The following REN variants were observed in gnomAD, a reference collection of about 807,000 sequenced individuals.
REN encodes the protein renin.
Under a neutral mutation model 48.6 loss-of-function variants are expected in REN, and 42 were observed. The ratio of observed to expected loss-of-function variants is 0.86; its 90% CI spans 0.68 to 1.12. REN has a LOEUF of 1.12. Ranked by LOEUF, REN falls within the 50% of genes most tolerant of loss-of-function variation. REN has a pLI of 0.00. For missense variants in REN, 443 were observed against 527.3 expected (o/e 0.84, Z 1.57); for synonymous variants, 196 against 204.6 (o/e 0.96, Z 0.36).
At chr1:204,155,390 C>A (rs1329208441) in intron 9 of REN, among the ~76,000 whole-genome samples, 1 of 152,306 alleles carries the variant, frequency 6.6e-6, no homozygotes, top group East Asian at 1.9e-4. Context: ...CCCAGGCAAA[C>A]AATGCATCAG....
chr1:204,160,816 GTGC>G, intron 3 of REN, 138 bp from the exon 4 acceptor site: 1 of 769,872 alleles, frequency 1.3e-6, no homozygotes, highest in Non-Finnish European at 2.4e-6. Flanking sequence ...CTTGGAATAT[GTGC>G]TTCATCAATC....
At chr1:204,166,147 G>T in intron 1 of REN, 49 bp downstream of exon 1, 1 of 1,499,010 alleles carries the variant, frequency 6.7e-7, no homozygotes, top group South Asian at 1.1e-5. Context: ...TTGGGAAGGT[G>T]GGAACCCTGC....
rs1392033638 is a variant in REN, at chr1:204,166,276, C to A, written c.18G>T (p.Arg6Ser). 1.1e-5 allele frequency: 18 copies of A among 1,614,100 alleles called. No individual in the cohort carries two copies. Among genetic ancestry groups the A allele is most frequent in the Non-Finnish European group, 1.4e-5 (16 of 1,180,040 alleles). Residue 6 changes from arginine to serine, a missense_variant, in exon 1 of 10, where the codon AGG becomes AGT. Physicochemically the swap from Arg to Ser is moderately radical, Grantham distance 110. Coordinates refer to ENST00000272190, the MANE Select transcript of REN (RefSeq NM_000537.4). ...GCAGCAGCAGTCCCCAGCGAGGCATCCTTCTCCATCCATCCATGCTTCCCT... is the reference window on the plus strand; with the variant it reads ...GCAGCAGCAGTCCCCAGCGAGGCATACTTCTCCATCCATCCATGCTTCCCT... MDGWR[R>S]MPRWGLLLLL...
chr1:204,163,047 A>G (rs887369225), intron 1 of REN, among the ~76,000 whole-genome samples: 6 of 152,106 alleles, frequency 3.9e-5, no homozygotes, highest in Non-Finnish European at 8.8e-5. Context: ...GTCTGGCCCT[A>G]TTTCCCATAT....
chr1:204,155,390 CAA>C (rs1658130460), intron 9 of REN, among the ~76,000 whole-genome samples: 1 of 152,188 alleles, frequency 6.6e-6, no homozygotes, highest in Non-Finnish European at 1.5e-5. Context: ...CCCAGGCAAA[CAA>C]TGCATCAGGC....
rs776861775 is a variant in REN at position 204,159,436 on chromosome 1, C to T, written c.652G>A (p.Val218Met). Residue 218 changes from valine to methionine, a missense_variant, in exon 5 of 10, where the codon GTG (valine) becomes ATG (methionine). Transcript: ENST00000272190. ...PIFDNIISQG[V>M]LKEDVFSFYY... ...AAAGAGAAGACGTCCTCTTTTAGCA[C>T]CCCTTGGGAGATGATGTTGTCGAAG... 1.9e-6 allele frequency: 3 copies of T among 1,614,154 alleles called. No individual in the cohort carries two copies. The highest frequency in any genetic ancestry group is 2.5e-6 in the Non-Finnish European group (3 of 1,180,046).
rs932192855 is a variant in REN at position 204,161,910 on chromosome 1, G to A, written c.249+103C>T. Reference sequence around the variant, plus strand: ...TGCTCACGTGCTACTCAGCGCCTTCGTCAAACACAGCTTGGAAAGGGTGAG... The same window carrying A: ...TGCTCACGTGCTACTCAGCGCCTTCATCAAACACAGCTTGGAAAGGGTGAG... On this transcript the variant is annotated intron_variant, in intron 2 of 9. Coordinates refer to ENST00000272190, the MANE Select transcript of REN (RefSeq NM_000537.4). The A allele has an allele frequency of 1.6e-5, 24 of 1,485,418 alleles. No individual in the cohort carries two copies. The East Asian group carries it at 3.2e-4, about 20-fold the overall frequency. The allele number at this position is 1,485,418 out of a possible 1,614,324, so 92.0% of individuals were successfully genotyped here. A position where few individuals can be genotyped will look rare whatever the true frequency, so the allele number is the denominator to read the frequency against.
rs780294356 is a variant in REN, at chr1:204,155,916, A to G, written c.963T>C (p.Tyr321=). ...TAGGGCCCTCGTTACACTTCACGAC[A>G]TACTGGGGTGGGGGGCAAAGAGAGC... ...ALGAKKRLFD[Y]VVKCNEGPTL... Residue 321 remains tyrosine, a splice_region_variant and synonymous_variant, in exon 9 of 10, where the codon TAT becomes TAC. Coordinates refer to ENST00000272190, the MANE Select transcript of REN (RefSeq NM_000537.4). 3 of 1,612,856 alleles carry G rather than the reference A, an allele frequency of 1.9e-6. No homozygotes were observed. Among genetic ancestry groups the G allele is most frequent in the South Asian group, 2.2e-5 (2 of 91,008 alleles).
chr1:204,160,799 C>G (rs980742943), intron 3 of REN, 121 bp from the exon 4 acceptor site: 7 of 794,394 alleles, frequency 8.8e-6, no homozygotes, highest in Admixed American at 8.5e-5. Context: ...GCCCTAGGGT[C>G]AGGGGGCTTG....
chr1:204,157,009 G>T (rs888993291), intron 6 of REN, among the ~76,000 whole-genome samples: 1 of 152,170 alleles, frequency 6.6e-6, no homozygotes, highest in Admixed American at 6.5e-5. Flanking sequence ...ACCAACCAGA[G>T]GTTGTTCCAG....
chr1:204,158,774 G>A (rs557534420), intron 5 of REN, among the ~76,000 whole-genome samples: 5 of 152,228 alleles, frequency 3.3e-5, no homozygotes, highest in Non-Finnish European at 7.3e-5. Context: ...CTTTATGTTG[G>A]AATATGTCTT....
chr1:204,160,125 A>C (rs1207471229), intron 4 of REN, among the ~76,000 whole-genome samples: 1 of 152,200 alleles, frequency 6.6e-6, no homozygotes, highest in African/African-American at 2.4e-5. Flanking sequence ...CATGGGCCAC[A>C]TGGAAAAGAA....
At chr1:204,158,116 C>G (rs1274858624) in intron 5 of REN, among the ~76,000 whole-genome samples, 1 of 152,030 alleles carries the variant, frequency 6.6e-6, no homozygotes, top group East Asian at 1.9e-4. Flanking sequence ...ACGCCACCCC[C>G]CATTCCCTTC....
chr1:204,161,525 C>G, intron 2 of REN, 110 bp from the exon 3 acceptor site: 1 of 1,083,174 alleles, frequency 9.2e-7, no homozygotes, highest in African/African-American at 1.6e-5. Context: ...AGGCGAGGTC[C>G]TATAGCCTCT....
At chr1:204,158,520 G>A (rs946770560) in intron 5 of REN, among the ~76,000 whole-genome samples, 6 of 149,400 alleles carry the variant, frequency 4.0e-5, no homozygotes, top group Non-Finnish European at 7.4e-5. Flanking sequence ...GGGCTCATGC[G>A]ATCCTCTCGC....
intron 4 of REN, 142 bp downstream of exon 4, chr1:204,160,418 T>A (rs1013820207): frequency 2.8e-6 from 2 of 721,382 alleles, no homozygotes; most frequent in African/African-American, 3.5e-5. Context: ...CAGCCAGATG[T>A]GGCAGAGTAG....
In REN at chr1:204,156,034, C is replaced by T. The variant is rs1658141282; in HGVS notation, c.961-116G>A. 6.9e-7 allele frequency: 1 copy of T among 1,459,762 alleles called. No homozygotes were observed. 90.4% of individuals were successfully genotyped at this position (1,459,762 alleles called of 1,614,324 possible). On this transcript the variant is annotated intron_variant, in intron 8 of 9. Coordinates refer to ENST00000272190, the MANE Select transcript of REN (RefSeq NM_000537.4). The surrounding 1 kb of genome is among the most constrained non-coding windows in gnomAD (Gnocchi z 4.2). ...GAGAGGGCTGGGGACAGTGCCCCGCCCCATGGGTGACCAGCCACATGTGTG... is the reference window on the plus strand; with the variant it reads ...GAGAGGGCTGGGGACAGTGCCCCGCTCCATGGGTGACCAGCCACATGTGTG...
rs771032027 is a variant in REN, at chr1:204,159,523, C to T, written c.565G>A (p.Glu189Lys). The change falls in exon 5 of 10, where the codon GAG (glutamate) becomes AAG (lysine). Residue 189 changes from glutamate to lysine, a missense_variant. Physicochemically the swap from Glu to Lys is moderately conservative, Grantham distance 56. Transcript: ENST00000272190. ...CCCATGCCCACAACCCCATCAAACT[C>T]GGCCAGCATGAAGGGTAAGGCGGGC... ...EMPALPFMLA[E>K]FDGVVGMGFI... 8.1e-5 allele frequency: 130 copies of T among 1,614,062 alleles called. 1 individual carries two copies. Among genetic ancestry groups the T allele is most frequent in the Non-Finnish European group, 1.0e-4 (120 of 1,180,040 alleles).
At chr1:204,158,187 G>A (rs1049779786) in intron 5 of REN, among the ~76,000 whole-genome samples, 17 of 143,360 alleles carry the variant, frequency 1.2e-4, no homozygotes, top group African/African-American at 3.7e-4. Flanking sequence ...CACCCACGTC[G>A]TCCACCTCTT....
Sources: gnomAD v4.1 joint callset for allele counts (sites outside exome capture counted in the v4.1 genomes callset) on GRCh38, gnomAD v4.1.1 for gene constraint, Gnocchi (gnomAD v3.1) non-coding constraint, MANE v1.5 for transcripts, NCBI Gene and HGNC (gene_info 2026-07-23, HGNC 2026-07-21) for gene names.